The following ITPR1 variants were observed in gnomAD, a reference collection of about 807,000 sequenced individuals.
ITPR1 encodes the protein inositol 1,4,5-trisphosphate-gated calcium channel ITPR1.
Under a neutral mutation model 318.4 loss-of-function variants are expected in ITPR1, and 96 were observed. The ratio of observed to expected loss-of-function variants is 0.30; its 90% CI spans 0.26 to 0.36. The LOEUF (loss-of-function observed/expected upper bound fraction) is 0.36. Among genes scored for constraint, ITPR1 ranks in the 10% least tolerant of loss-of-function variants. The pLI is 1.00. For synonymous variants in ITPR1, 1,312 were observed against 1,289.9 expected (o/e 1.02, Z -0.37); for missense variants, 2,440 against 3,460.2 (o/e 0.71, Z 7.40).
intron 4 of ITPR1, among the ~76,000 whole-genome samples, chr3:4,528,889 C>A (rs1421000120): frequency 6.6e-6 from 1 of 152,186 alleles, no homozygotes; most frequent in East Asian, 1.9e-4. Flanking sequence ...TAGTTTATCT[C>A]AATCTTGGAC....
chr3:4,524,343 A>C (rs2082810787), intron 4 of ITPR1, among the ~76,000 whole-genome samples: 1 of 131,646 alleles, frequency 7.6e-6, no homozygotes, highest in Non-Finnish European at 1.6e-5. Context: ...GAAGAGAAAG[A>C]TCTCTCTTTT....
At chr3:4,680,514 A>T in intron 24 of ITPR1, 39 bp from the exon 25 acceptor site, 1 of 1,601,908 alleles carries the variant, frequency 6.2e-7, no homozygotes, top group Non-Finnish European at 8.5e-7. Context: ...TGGTATGTTA[A>T]TGTAACCAAT....
At chr3:4,582,921 A>C (rs924116548) in intron 4 of ITPR1, among the ~76,000 whole-genome samples, 2 of 152,196 alleles carry the variant, frequency 1.3e-5, no homozygotes, top group African/African-American at 4.8e-5. Context: ...ACGTTGTCTG[A>C]GACCTGAAGA....
At chr3:4,724,904 G>A (rs555386949) in intron 40 of ITPR1, among the ~76,000 whole-genome samples, 2 of 152,286 alleles carry the variant, frequency 1.3e-5, no homozygotes, top group East Asian at 3.9e-4. Context: ...AGCCCTCAAG[G>A]GAAACGCATG....
intron 4 of ITPR1, among the ~76,000 whole-genome samples, chr3:4,602,356 C>G (rs761078839): frequency 6.6e-6 from 1 of 151,882 alleles, no homozygotes; most frequent in Non-Finnish European, 1.5e-5. Context: ...CCTGTCTCTG[C>G]TAACAACAAC....
At chr3:4,631,467 T>C (rs1227697938) in intron 5 of ITPR1, among the ~76,000 whole-genome samples, 1 of 152,236 alleles carries the variant, frequency 6.6e-6, no homozygotes, top group Non-Finnish European at 1.5e-5. Flanking sequence ...GTTGTGTTTT[T>C]ATATGTTTCT....
chr3:4,767,508 T>C (rs2045895030), intron 45 of ITPR1, among the ~76,000 whole-genome samples: 1 of 152,180 alleles, frequency 6.6e-6, no homozygotes. Context: ...TCAGGCACTG[T>C]TCAACGTTCT....
At chr3:4,523,237 G>C (rs540046005) in intron 4 of ITPR1, among the ~76,000 whole-genome samples, 1 of 152,252 alleles carries the variant, frequency 6.6e-6, no homozygotes, top group East Asian at 1.9e-4. Flanking sequence ...ATGAACCTGG[G>C]AGAGATTCTA....
chr3:4,549,189 T>C (rs2085315465), intron 4 of ITPR1, among the ~76,000 whole-genome samples: 1 of 152,246 alleles, frequency 6.6e-6, no homozygotes, highest in South Asian at 2.1e-4. Context: ...ATACATAGTT[T>C]AAATAAATAT....
intron 31 of ITPR1, among the ~76,000 whole-genome samples, chr3:4,690,898 C>G (rs769889109): frequency 1.3e-5 from 2 of 152,056 alleles, no homozygotes; most frequent in Non-Finnish European, 2.9e-5. Flanking sequence ...TTCAAGGTCC[C>G]TTTATAATCT....
rs537128505 is a variant in ITPR1 at position 4,695,301 on chromosome 3, AGTTCACTT to A, written c.4281+1564_4281+1571del. Reference sequence around the variant, plus strand: ...TCATTTCAACATAGTTTTAATTTACAGTTCACTTGTTATGGATAAAGAAGGTAGAGTTA... The same window carrying A: ...TCATTTCAACATAGTTTTAATTTACAGTTATGGATAAAGAAGGTAGAGTTA... On this transcript the variant is annotated intron_variant, in intron 33 of 61. Coordinates refer to ENST00000649015, the MANE Select transcript of ITPR1 (RefSeq NM_001378452.1). Among the ~76,000 whole-genome samples, 369 of 152,344 alleles carry A rather than the reference AGTTCACTT, an allele frequency of 2.4e-3. 2 individuals carry two copies. The highest frequency in any genetic ancestry group is 8.4e-3 in the African/African-American group (351 of 41,578).
chr3:4,769,305 G>C (rs1240730522), intron 46 of ITPR1, among the ~76,000 whole-genome samples: 3 of 152,132 alleles, frequency 2.0e-5, no homozygotes, highest in Admixed American at 6.5e-5. Flanking sequence ...CACCAACATA[G>C]GTGCCTGCCC....
intron 38 of ITPR1, 34 bp from the exon 39 acceptor site, chr3:4,711,723 C>T (rs747530191): frequency 8.7e-7 from 1 of 1,143,660 alleles, no homozygotes; most frequent in East Asian, 2.6e-5. Flanking sequence ...AAATTAGCTT[C>T]AAGGAAGTAA....
intron 36 of ITPR1, among the ~76,000 whole-genome samples, chr3:4,703,204 A>G (rs2094691774): frequency 6.6e-6 from 1 of 152,230 alleles, no homozygotes; most frequent in Non-Finnish European, 1.5e-5. Flanking sequence ...CATGGTTGTT[A>G]GGCAATTCTT....
chr3:4,508,685 G>A (rs2081574907), intron 2 of ITPR1, among the ~76,000 whole-genome samples: 2 of 152,124 alleles, frequency 1.3e-5, no homozygotes, highest in Admixed American at 6.5e-5. Context: ...GCTTTGGCCT[G>A]TTTTAACACC....
intron 52 of ITPR1, among the ~76,000 whole-genome samples, chr3:4,789,488 C>T (rs2047415127): frequency 6.6e-6 from 1 of 152,248 alleles, no homozygotes; most frequent in Non-Finnish European, 1.5e-5. Context: ...CCACCCATTT[C>T]ATCCTCATTT....
At chr3:4,778,828 A>G (rs2046640512) in intron 48 of ITPR1, among the ~76,000 whole-genome samples, 1 of 152,148 alleles carries the variant, frequency 6.6e-6, no homozygotes, top group African/African-American at 2.4e-5. Flanking sequence ...GACCACTCTC[A>G]CTGTCCAAAA....
At chr3:4,735,125 C>T (rs1433580310) in intron 43 of ITPR1, 39 bp from the exon 44 acceptor site, 4 of 1,526,532 alleles carry the variant, frequency 2.6e-6, no homozygotes, top group Non-Finnish European at 3.6e-6. Flanking sequence ...ATTAGCTGTT[C>T]TGATTGTGCT....
chr3:4,763,323 C>A lies in ITPR1; in HGVS notation c.5545-3207C>A, dbSNP rs531480522. 6.6e-5 allele frequency among the ~76,000 whole-genome samples: 10 copies of A among 152,236 alleles called. No homozygotes were observed. In the South Asian group the frequency reaches 2.1e-3, roughly 32 times the overall value. Reference sequence around the variant, plus strand: ...ACCATATATTTACCTTTGTGACAAACCTGCACGTCCTGCATAGGTACCCCA... The same window carrying A: ...ACCATATATTTACCTTTGTGACAAAACTGCACGTCCTGCATAGGTACCCCA... On this transcript the variant is annotated intron_variant, in intron 44 of 61. Transcript: ENST00000649015.
Sources: allele counts gnomAD v4.1 joint callset (sites outside exome capture counted in the v4.1 genomes callset), GRCh38; gene constraint gnomAD v4.1.1; transcripts MANE v1.5; gene names NCBI Gene and HGNC (gene_info 2026-07-23, HGNC 2026-07-21).